Variants in KIF1B observed in about 807,000 individuals in gnomAD.
KIF1B encodes kinesin family member 1B.
In KIF1B, 76 loss-of-function variants were observed where a neutral mutation model predicts 241.9. The observed-to-expected ratio is 0.31, with a 90% CI of 0.26 to 0.38. KIF1B has a LOEUF of 0.38. Among genes scored for constraint, KIF1B ranks in the 10% least tolerant of loss-of-function variants. The probability of loss-of-function intolerance (pLI) is 1.00; values close to 1 mark genes in which losing one functional copy is unlikely to be tolerated. For missense variants in KIF1B, 1,622 were observed against 2,271.4 expected, an observed-to-expected ratio of 0.71 and a Z score of 5.81; for synonymous variants, 750 against 796.7, an observed-to-expected ratio of 0.94 and a Z score of 0.99.
At chr1:10,220,134 G>T (rs1341857008) in intron 1 of KIF1B, among the ~76,000 whole-genome samples, 3 of 151,630 alleles carry the variant, frequency 2.0e-5, no homozygotes, top group Non-Finnish European at 4.4e-5. Context: ...CCCGGGAGGT[G>T]GAGGTTACGG....
At chr1:10,215,168 A>ATT (rs1557640288) in intron 1 of KIF1B, among the ~76,000 whole-genome samples, 69 of 53,832 alleles carry the variant, frequency 1.3e-3, no homozygotes, top group Non-Finnish European at 1.8e-3. Flanking sequence ...ATATATATAT[A>ATT]TATATTTTTT....
chr1:10,272,194 G>T (rs1272503352), intron 8 of KIF1B, 47 bp from the exon 9 acceptor site: 1 of 1,054,632 alleles, frequency 9.5e-7, no homozygotes, highest in Non-Finnish European at 1.5e-6. Context: ...TGATATAGCA[G>T]TAGTAGAAAT....
chr1:10,366,815 AC>A (rs773695751), intron 43 of KIF1B, among the ~76,000 whole-genome samples: 273 of 152,156 alleles, frequency 1.8e-3, no homozygotes, highest in Middle Eastern at 3.4e-3. Context: ...TACTAAAAAT[AC>A]AAAAATTAGC....
chr1:10,340,210 C>G (rs1301647262), intron 32 of KIF1B, among the ~76,000 whole-genome samples: 1 of 152,140 alleles, frequency 6.6e-6, no homozygotes, highest in African/African-American at 2.4e-5. Context: ...ACTTATGTTG[C>G]TCGATTGCAA....
chr1:10,231,676 C>T (rs1245034294), intron 1 of KIF1B, among the ~76,000 whole-genome samples: 2 of 152,064 alleles, frequency 1.3e-5, no homozygotes, highest in Non-Finnish European at 2.9e-5. Flanking sequence ...CATGAGCCAC[C>T]ATGCCTGGCC....
At chr1:10,225,740 T>C (rs527396273) in intron 1 of KIF1B, among the ~76,000 whole-genome samples, 1 of 152,196 alleles carries the variant, frequency 6.6e-6, no homozygotes, top group South Asian at 2.1e-4. Flanking sequence ...TGGTGGGTGG[T>C]TGTAAAAGAA....
In KIF1B at chr1:10,337,430, A is replaced by G; in HGVS notation, c.3319A>G (p.Ile1107Val). The G allele has an allele frequency of 6.2e-7, 1 of 1,614,188 alleles. No homozygotes were observed. The highest frequency in any genetic ancestry group is 8.5e-7 in the Non-Finnish European group (1 of 1,180,038). ...KMVMEGFSEE[I>V]GNHLKLGSAF... ...GGTAATGGAAGGGTTTTCTGAAGAGATTGGCAACCACCTGAAACTGGGCAG... is the reference window on the plus strand; with the variant it reads ...GGTAATGGAAGGGTTTTCTGAAGAGGTTGGCAACCACCTGAAACTGGGCAG... The change falls in exon 31 of 49, where the codon ATT becomes GTT. Residue 1107 changes from isoleucine (I) to valine (V), a missense_variant. By Grantham distance (29) the Ile-to-Val change is conservative (BLOSUM62 3). This residue lies in a region of KIF1B where 803 missense variants were observed against 1,112.0 expected (regional missense o/e 0.72). Transcript: ENST00000676179. This position sits in a 1 kb window ranked among gnomAD's most constrained non-coding sequence, Gnocchi z 4.0.
chr1:10,324,845 T>C lies in KIF1B; in HGVS notation c.2625T>C (p.Thr875=). 2.5e-6 allele frequency: 4 copies of C among 1,614,196 alleles called. No individual in the cohort carries two copies. The highest frequency in any genetic ancestry group is 3.4e-6 in the Non-Finnish European group (4 of 1,180,038). The change falls in exon 26 of 49, where the codon ACT becomes ACC. Residue 875 remains threonine, a synonymous_variant. Coordinates refer to ENST00000676179, the MANE Select transcript of KIF1B (RefSeq NM_001365951.3). The part of the protein sequence containing the change: ...SAQDESETTV[T]GSDPFYDRFH... Reference sequence around the variant, plus strand: ...AAGACGAAAGCGAAACCACTGTGACTGGCAGCGATCCCTTCTATGATCGGT... The same window carrying C: ...AAGACGAAAGCGAAACCACTGTGACCGGCAGCGATCCCTTCTATGATCGGT...
chr1:10,374,556 T>G lies in KIF1B; in HGVS notation c.5096+91T>G. 7.2e-7 allele frequency: 1 copy of G among 1,385,614 alleles called. No individual in the cohort carries two copies. Among genetic ancestry groups the G allele is most frequent in the Non-Finnish European group, 1.0e-6 (1 of 977,606 alleles). The allele number at this position is 1,385,614 out of a possible 1,614,324, so 85.8% of individuals were successfully genotyped here. A position where few individuals can be genotyped will look rare whatever the true frequency, so the allele number is the denominator to read the frequency against. ...CAGCTCTTCCCTGTGAGGTCTGTAC[T>G]GTAGTCTGATGCAATCTGTACTGTA... is the stretch of plus-strand genomic sequence containing the variant. On this transcript the variant is annotated intron_variant, in intron 46 of 48. Coordinates refer to ENST00000676179, the MANE Select transcript of KIF1B (RefSeq NM_001365951.3). This position sits in a 1 kb window ranked among gnomAD's most constrained non-coding sequence, Gnocchi z 4.3.
At chr1:10,363,140 G>T in intron 40 of KIF1B, 143 bp from the exon 41 acceptor site, 1 of 617,796 alleles carries the variant, frequency 1.6e-6, no homozygotes, top group East Asian at 2.8e-5. Flanking sequence ...TTCAAAATAA[G>T]AAAAGAGCGG....
chr1:10,374,951 A>G lies in KIF1B; in HGVS notation c.5194A>G (p.Ile1732Val), dbSNP rs750013465. 6 of 1,614,096 alleles carry G rather than the reference A, an allele frequency of 3.7e-6. No homozygotes were observed. Among genetic ancestry groups the G allele is most frequent in the Non-Finnish European group, 5.1e-6 (6 of 1,179,986 alleles). Residue 1732 changes from isoleucine to valine, a missense_variant, in exon 47 of 49, where the codon ATC becomes GTC. Physicochemically the swap from Ile to Val is conservative, Grantham distance 29. Transcript: ENST00000676179. This position sits in a 1 kb window ranked among gnomAD's most constrained non-coding sequence, Gnocchi z 4.3. ...FVVVRRPYVF[I>V]YNSDKDPVER... ...TGTCGTCCGTCGGCCTTATGTCTTCATCTATAACAGTGACAAAGACCCTGT... is the reference window on the plus strand; with the variant it reads ...TGTCGTCCGTCGGCCTTATGTCTTCGTCTATAACAGTGACAAAGACCCTGT...
chr1:10,253,584 AG>A (rs1237852515), intron 2 of KIF1B, among the ~76,000 whole-genome samples: 1 of 152,154 alleles, frequency 6.6e-6, no homozygotes, highest in Non-Finnish European at 1.5e-5. Flanking sequence ...TTGAGTCTGT[AG>A]TGAATTGTGG....
At position 10,377,082 on chromosome 1, in the gene KIF1B, G is replaced by A. The variant is rs570275102; in HGVS notation, c.*495G>A. ...ACTTTAATTTTTCTTGGGTGGCTTA[G>A]AGACTAAGGGAGGAGACATCTGGCC... On this transcript the variant is annotated 3_prime_UTR_variant, in exon 49 of 49. Transcript: ENST00000676179. 28 of 249,672 alleles carry A rather than the reference G, an allele frequency of 1.1e-4. No individual in the cohort carries two copies. The highest frequency in any genetic ancestry group is 6.1e-4 in the African/African-American group (28 of 45,606). 15.5% of individuals were successfully genotyped at this position (249,672 alleles called of 1,614,324 possible).
chr1:10,378,422 G>A lies in KIF1B; in HGVS notation c.*1835G>A. The A allele has an allele frequency of 1.4e-6, 1 of 717,894 alleles. No homozygotes were observed. Among genetic ancestry groups the A allele is most frequent in the Non-Finnish European group, 2.6e-6 (1 of 385,194 alleles). The allele number at this position is 717,894 out of a possible 1,614,324, so 44.5% of individuals were successfully genotyped here. ...CAGTAAGTTTTCCAGGATGAGAGGG[G>A]AAAAAGAAAGCCTCCAGTGACTTCA... On this transcript the variant is annotated 3_prime_UTR_variant, in exon 49 of 49. Coordinates refer to ENST00000676179, the MANE Select transcript of KIF1B (RefSeq NM_001365951.3).
chr1:10,358,327 G>T (rs1390506613), intron 38 of KIF1B, among the ~76,000 whole-genome samples: 5 of 152,154 alleles, frequency 3.3e-5, no homozygotes, highest in African/African-American at 2.4e-5. Flanking sequence ...TCAGTTGAAA[G>T]AGTCAGTGTC....
chr1:10,225,042 C>A (rs1181564196), intron 1 of KIF1B, among the ~76,000 whole-genome samples: 1 of 152,168 alleles, frequency 6.6e-6, no homozygotes, highest in Non-Finnish European at 1.5e-5. Context: ...AACTCTGATG[C>A]CATCGCTGAT....
rs772320184 is a variant in KIF1B at position 10,322,886 on chromosome 1, G to A, written c.2359-998G>A. Among the ~76,000 whole-genome samples, 6 of 152,142 alleles carry A rather than the reference G, an allele frequency of 3.9e-5. No individual in the cohort carries two copies. The East Asian group carries it at 7.7e-4, about 19-fold the overall frequency. On this transcript the variant is annotated intron_variant, in intron 24 of 48. Transcript: ENST00000676179. ...AGGGAGAAATAAATGATGCAATGTCGTGAAGTACTTACCATATTTATTAAA... is the reference window on the plus strand; with the variant it reads ...AGGGAGAAATAAATGATGCAATGTCATGAAGTACTTACCATATTTATTAAA...
chr1:10,317,637 C>G (rs1356725512), intron 22 of KIF1B, among the ~76,000 whole-genome samples: 1 of 151,336 alleles, frequency 6.6e-6, no homozygotes, highest in East Asian at 1.9e-4. Context: ...CGAGACCAGC[C>G]TGGCCAACAT....
At chr1:10,339,400 C>G (rs1652305026) in intron 31 of KIF1B, among the ~76,000 whole-genome samples, 1 of 152,154 alleles carries the variant, frequency 6.6e-6, no homozygotes, top group South Asian at 2.1e-4. Flanking sequence ...CTCGCACTAA[C>G]TGTGGAAGCT....
Sources: gnomAD v4.1 joint callset for allele counts (sites outside exome capture counted in the v4.1 genomes callset) on GRCh38, gnomAD v4.1.1 for gene constraint, gnomAD v4.1.1 regional missense constraint, Gnocchi (gnomAD v3.1) non-coding constraint, MANE v1.5 for transcripts, NCBI Gene and HGNC (gene_info 2026-07-23, HGNC 2026-07-21) for gene names.